ZRSR2: variants seen among roughly 807,000 people sequenced by gnomAD.
The protein encoded by ZRSR2 is zinc finger CCCH-type, RNA binding motif and serine/arginine rich 2.
In ZRSR2, 3 loss-of-function variants were observed where a neutral mutation model predicts 39.4. The observed-to-expected ratio is 0.08, with a 90% CI of 0.03 to 0.20. ZRSR2 has a LOEUF of 0.20. ZRSR2 is among the 10% of genes least tolerant of loss of function. ZRSR2 has a pLI of 1.00. For missense variants in ZRSR2, 256 were observed against 391.5 expected (o/e 0.65, Z 2.92); for synonymous variants, 137 against 136.0 (o/e 1.01, Z -0.05).
At chrX:15,791,222 C>G (rs907983345) in intron 2 of ZRSR2, among the ~76,000 whole-genome samples, 15 of 111,878 alleles carry the variant, frequency 1.3e-4, no homozygotes, top group African/African-American at 4.9e-4. Flanking sequence ...GGTGAATGAT[C>G]GCCCACTGAT....
intron 3 of ZRSR2, chrX:15,801,795 A>G (rs1932681798): frequency 8.9e-6 from 1 of 112,262 alleles, no homozygotes. Context: ...TTTAAATCAC[A>G]TACATGTATC....
chrX:15,793,906 G>A lies in ZRSR2; in HGVS notation c.121+2893G>A, dbSNP rs926026530. Among the ~76,000 whole-genome samples, 4 of 112,591 alleles carry A rather than the reference G, an allele frequency of 3.6e-5. No individual in the cohort carries two copies. In the South Asian group the frequency reaches 1.4e-3, roughly 41 times the overall value. ...ATTACCCAGAAGGCTAGAATGTTGAGTGTAACTATGAGAGTGCCTTGGCAA... is the reference window on the plus strand; with the variant it reads ...ATTACCCAGAAGGCTAGAATGTTGAATGTAACTATGAGAGTGCCTTGGCAA... On this transcript the variant is annotated intron_variant, in intron 2 of 10. Transcript: ENST00000307771.
intron 5 of ZRSR2, among the ~76,000 whole-genome samples, chrX:15,805,002 G>A (rs1331255158): frequency 1.8e-5 from 2 of 111,535 alleles, no homozygotes; most frequent in Non-Finnish European, 3.8e-5. Context: ...TATTTCAGAG[G>A]TATCACAGCT....
At chrX:15,796,660 A>G (rs762243125) in intron 2 of ZRSR2, among the ~76,000 whole-genome samples, 1 of 111,340 alleles carries the variant, frequency 9.0e-6, no homozygotes, top group Non-Finnish European at 1.9e-5. Flanking sequence ...TTTTAACTTT[A>G]AAAAAAGTTG....
chrX:15,803,632 T>C (rs1392180841), intron 3 of ZRSR2, 56 bp from the exon 4 acceptor site: 27 of 1,147,446 alleles, frequency 2.4e-5, no homozygotes, highest in Non-Finnish European at 2.6e-5. Flanking sequence ...CGTGTGTGTG[T>C]GTATTTGTGG....
intron 7 of ZRSR2, among the ~76,000 whole-genome samples, chrX:15,814,669 C>T (rs1932936043): frequency 9.0e-6 from 1 of 111,575 alleles, no homozygotes; most frequent in African/African-American, 3.3e-5. Flanking sequence ...CGTGAACAGG[C>T]ACCAGATTGT....
chrX:15,822,546 A>G (rs1933134330), intron 10 of ZRSR2, among the ~76,000 whole-genome samples, 185 bp from the exon 11 acceptor site: 1 of 112,835 alleles, frequency 8.9e-6, no homozygotes, highest in African/African-American at 3.2e-5. Flanking sequence ...GTCATTTATT[A>G]GAGCACGTTT....
At chrX:15,807,768 G>A (rs903408639) in intron 5 of ZRSR2, among the ~76,000 whole-genome samples, 2 of 110,049 alleles carry the variant, frequency 1.8e-5, no homozygotes, top group Non-Finnish European at 3.8e-5. Context: ...GGCCGGGCAC[G>A]GTAGCTCATG....
chrX:15,812,921 G>A (rs1436415787), intron 7 of ZRSR2, among the ~76,000 whole-genome samples: 2 of 112,065 alleles, frequency 1.8e-5, no homozygotes, highest in Non-Finnish European at 3.8e-5. Flanking sequence ...TTTCTCCCTT[G>A]GAATATTTTA....
At chrX:15,800,814 T>C (rs1253327915) in intron 3 of ZRSR2, among the ~76,000 whole-genome samples, 1 of 112,916 alleles carries the variant, frequency 8.9e-6, no homozygotes, top group African/African-American at 3.2e-5. Context: ...TTATAATTTA[T>C]AGTTCTCTAC....
At chrX:15,812,221 G>A (rs1210213584) in intron 7 of ZRSR2, among the ~76,000 whole-genome samples, 3 of 112,461 alleles carry the variant, frequency 2.7e-5, no homozygotes, top group South Asian at 3.6e-4. Flanking sequence ...GAGCCACCGC[G>A]CCTGGCTGCG....
intron 3 of ZRSR2, among the ~76,000 whole-genome samples, chrX:15,800,606 G>C (rs55648654): frequency 0.018 from 2,004 of 112,209 alleles, 38 homozygotes; most frequent in African/African-American, 0.063. Context: ...GAAAAAGAAA[G>C]TGTAAATGTA....
rs1005021606 is a variant in ZRSR2 at position 15,822,932 on chromosome X, G to A, written c.1139G>A (p.Arg380Lys). ...GACTACTACAGCAGGCTGCGGGGAA[G>A]GAGAAACCCTAGTCCAGACCACTCC... ...HDDYYSRLRG[R>K]RNPSPDHSYK... The change falls in exon 11 of 11, where the codon AGG becomes AAG. Residue 380 changes from arginine to lysine, a missense_variant. By Grantham distance (26) the Arg-to-Lys change is conservative (BLOSUM62 2). Transcript: ENST00000307771. 1 of 1,212,452 alleles carries A rather than the reference G, an allele frequency of 8.2e-7. No individual in the cohort carries two copies. The highest frequency in any genetic ancestry group is 1.1e-6 in the Non-Finnish European group (1 of 895,672).
rs368675170 is a variant in ZRSR2, at chrX:15,820,157, A to G, written c.828-50A>G. On this transcript the variant is annotated intron_variant, in intron 9 of 10. Coordinates refer to ENST00000307771, the MANE Select transcript of ZRSR2 (RefSeq NM_005089.4). ...GGTTAATTAATAGTAGAGCTAATCT[A>G]CATATTAGGAAGTTACTGTAAAGCA... 7.0e-6 allele frequency: 7 copies of G among 997,013 alleles called. No homozygotes were observed. In the African/African-American group the frequency reaches 1.1e-4, roughly 16 times the overall value. The allele number at this position is 997,013 out of a possible 1,213,427, so 82.2% of individuals were successfully genotyped here.
At chrX:15,804,367 C>G (rs1172900336) in intron 5 of ZRSR2, 170 bp downstream of exon 5, 8 of 462,430 alleles carry the variant, frequency 1.7e-5, no homozygotes, top group Non-Finnish European at 2.1e-5. Context: ...TGCTCTTCTT[C>G]GGGTCCGTGC....
intron 3 of ZRSR2, among the ~76,000 whole-genome samples, chrX:15,800,869 A>G (rs923511818): frequency 2.7e-5 from 3 of 112,626 alleles, no homozygotes; most frequent in African/African-American, 9.7e-5. Context: ...ATATGTAAAA[A>G]GTTGCAGTAA....
At chrX:15,815,119 A>G (rs1932944400) in intron 7 of ZRSR2, among the ~76,000 whole-genome samples, 1 of 112,049 alleles carries the variant, frequency 8.9e-6, no homozygotes, top group Non-Finnish European at 1.9e-5. Context: ...TGAATGGTAT[A>G]TGAACTTTGA....
At chrX:15,807,971 C>T (rs1169812962) in intron 5 of ZRSR2, among the ~76,000 whole-genome samples, 4 of 109,938 alleles carry the variant, frequency 3.6e-5, no homozygotes, top group African/African-American at 9.9e-5. Flanking sequence ...GCCTGGGAGG[C>T]GGAGGTTGCA....
At chrX:15,814,104 T>A (rs1055510813) in intron 7 of ZRSR2, among the ~76,000 whole-genome samples, 2 of 109,184 alleles carry the variant, frequency 1.8e-5, no homozygotes, top group East Asian at 5.7e-4. Context: ...AGTTTTTGTC[T>A]TACCAATTTT....
Sources: gnomAD v4.1 joint callset for allele counts (sites outside exome capture counted in the v4.1 genomes callset) on GRCh38, gnomAD v4.1.1 for gene constraint, MANE v1.5 for transcripts, NCBI Gene and HGNC (gene_info 2026-07-23, HGNC 2026-07-21) for gene names.